The following SH3TC2 variants were observed in gnomAD, a reference collection of about 807,000 sequenced individuals.
SH3TC2 encodes SH3 domain and tetratricopeptide repeats 2.
Under a neutral mutation model 124.5 loss-of-function variants are expected in SH3TC2, and 87 were observed. That is an observed-to-expected ratio of 0.70 (90% confidence interval 0.59 to 0.84). The LOEUF is 0.84. Ranked by LOEUF, SH3TC2 falls within the 40% of genes least tolerant of loss-of-function variation. The pLI, the probability that SH3TC2 is intolerant of heterozygous loss-of-function variation, is 0.00. For synonymous variants in SH3TC2, 634 were observed against 628.5 expected (o/e 1.01, Z -0.13); for missense variants, 1,536 against 1,566.4 (o/e 0.98, Z 0.33).
intron 9 of SH3TC2, 22 bp from the exon 10 acceptor site, chr5:149,028,740 G>A (rs751912748): frequency 1.9e-6 from 3 of 1,614,134 alleles, no homozygotes; most frequent in African/African-American, 1.3e-5. Context: ...TGAAGAACAG[G>A]TCTGGTGTTA....
intron 4 of SH3TC2, among the ~76,000 whole-genome samples, chr5:149,043,278 T>C (rs1376502596): frequency 6.6e-6 from 1 of 152,156 alleles, no homozygotes; most frequent in Non-Finnish European, 1.5e-5. Flanking sequence ...TCCCCCTCAG[T>C]GAATTTCAGG....
At position 148,994,803 on chromosome 5, in the gene SH3TC2, C is replaced by T. The variant is rs1167306967; in HGVS notation, c.*9908G>A. ...GTCTGCATCCTCTGTCCCAAAGGAG[C>T]TAAACTCAGACTTTTCTTCCTAGTC... On this transcript the variant is annotated 3_prime_UTR_variant, in exon 17 of 17. Transcript: ENST00000515425. Among the ~76,000 whole-genome samples the T allele has an allele frequency of 6.6e-6, 1 of 152,008 alleles. No individual in the cohort carries two copies. The highest frequency in any genetic ancestry group is 6.6e-5 in the Admixed American group (1 of 15,250).
At chr5:149,037,185 G>A (rs1190958871) in intron 8 of SH3TC2, among the ~76,000 whole-genome samples, 2 of 152,144 alleles carry the variant, frequency 1.3e-5, no homozygotes, top group Admixed American at 6.5e-5. Flanking sequence ...TTCAAGCACT[G>A]ACTCACTTTC....
chr5:149,020,682 A>G (rs4705065), intron 12 of SH3TC2, among the ~76,000 whole-genome samples: 69,011 of 151,992 alleles, frequency 0.45, 16,794 homozygotes, highest in East Asian at 0.62. Context: ...TATCAGATAA[A>G]AAGACCAAAA....
chr5:148,988,616 G>T lies in SH3TC2; in HGVS notation c.*16095C>A, dbSNP rs1305698745. 1.3e-5 allele frequency among the ~76,000 whole-genome samples: 2 copies of T among 152,168 alleles called. No homozygotes were observed. Among genetic ancestry groups the T allele is most frequent in the Non-Finnish European group, 2.9e-5 (2 of 68,020 alleles). ...GCCCCAGCTGAGCTCCCAACCAACT[G>T]CAAGCATCAACTGTTAGCCCCGTGA... On this transcript the variant is annotated 3_prime_UTR_variant, in exon 17 of 17. Transcript: ENST00000515425.
At chr5:149,051,006 T>C (rs752681075) in intron 2 of SH3TC2, among the ~76,000 whole-genome samples, 1 of 152,142 alleles carries the variant, frequency 6.6e-6, no homozygotes, top group Non-Finnish European at 1.5e-5. Flanking sequence ...CACCTAGCGA[T>C]GGGCAAGCAA....
In SH3TC2 at chr5:148,985,266, T is replaced by C. The variant is rs1042218568; in HGVS notation, c.*19445A>G. ...AATTTATATATAATAAAATTCATTA[T>C]TTTTTAGTTACAGAGTTCTATGAGT... On this transcript the variant is annotated 3_prime_UTR_variant, in exon 17 of 17. Transcript: ENST00000515425. Among the ~76,000 whole-genome samples, 4 of 152,204 alleles carry C rather than the reference T, an allele frequency of 2.6e-5. No individual in the cohort carries two copies. The highest frequency in any genetic ancestry group is 2.6e-4 in the Admixed American group (4 of 15,282).
intron 14 of SH3TC2, 92 bp downstream of exon 14, chr5:149,010,178 G>T: frequency 1.3e-6 from 2 of 1,547,938 alleles, no homozygotes. Flanking sequence ...ACAAGCAAGA[G>T]AGGAGAAGAG....
intron 12 of SH3TC2, among the ~76,000 whole-genome samples, chr5:149,013,482 A>G (rs1351807652): frequency 6.6e-6 from 1 of 152,184 alleles, no homozygotes; most frequent in East Asian, 1.9e-4. Context: ...AGAATGAACT[A>G]TTACAGTTAC....
intron 7 of SH3TC2, among the ~76,000 whole-genome samples, chr5:149,040,066 G>A (rs563683160): frequency 6.6e-6 from 1 of 152,282 alleles, no homozygotes; most frequent in African/African-American, 2.4e-5. Context: ...TTACAGATAT[G>A]TGTGTATACA....
In SH3TC2 at chr5:149,031,706, C is replaced by T; in HGVS notation, c.1002-19G>A. 1.2e-6 allele frequency: 2 copies of T among 1,613,696 alleles called. No homozygotes were observed. The highest frequency in any genetic ancestry group is 1.7e-6 in the Non-Finnish European group (2 of 1,179,992). ...CCTGCTCCTGCATCGGGGCAAAAAACACAGAGACAGATTACTGCAAGGCTT... is the reference window on the plus strand; with the variant it reads ...CCTGCTCCTGCATCGGGGCAAAAAATACAGAGACAGATTACTGCAAGGCTT... On this transcript the variant is annotated intron_variant, in intron 8 of 16. Coordinates refer to ENST00000515425, the MANE Select transcript of SH3TC2 (RefSeq NM_024577.4).
At chr5:149,011,095 G>A (rs1219194011) in intron 13 of SH3TC2, among the ~76,000 whole-genome samples, 10 of 152,232 alleles carry the variant, frequency 6.6e-5, no homozygotes, top group East Asian at 1.9e-4. Context: ...ATATACCACT[G>A]CACCTGCAGC....
Position 148,993,748 on chromosome 5 carries a change from A to G in SH3TC2, c.*10963T>C, listed in dbSNP as rs1023552617. Among the ~76,000 whole-genome samples the G allele has an allele frequency of 6.6e-6, 1 of 152,208 alleles. No homozygotes were observed. Among genetic ancestry groups the G allele is most frequent in the Non-Finnish European group, 1.5e-5 (1 of 68,032 alleles). Reference sequence around the variant, plus strand: ...GAGGCAGACTGAGACCATCACTGTCACATGCTCACTTGAATAGCCAAGCAT... The same window carrying G: ...GAGGCAGACTGAGACCATCACTGTCGCATGCTCACTTGAATAGCCAAGCAT... On this transcript the variant is annotated 3_prime_UTR_variant, in exon 17 of 17. Transcript: ENST00000515425.
chr5:149,001,305 C>G lies in SH3TC2; in HGVS notation c.*3406G>C, dbSNP rs1338999856. ...TACTGTTGGACAGGGAACTAGTATA[C>G]CTGAAAGCTGAGAAAACATGTTACA... On this transcript the variant is annotated 3_prime_UTR_variant, in exon 17 of 17. Coordinates refer to ENST00000515425, the MANE Select transcript of SH3TC2 (RefSeq NM_024577.4). 6.6e-6 allele frequency: 1 copy of G among 152,064 alleles called. No individual in the cohort carries two copies. Among genetic ancestry groups the G allele is most frequent in the Non-Finnish European group, 1.5e-5 (1 of 68,006 alleles). The allele number at this position is 152,064 out of a possible 1,614,324, so 9.4% of individuals were successfully genotyped here.
intron 12 of SH3TC2, 44 bp from the exon 13 acceptor site, chr5:149,012,778 G>A: frequency 6.2e-7 from 1 of 1,610,716 alleles, no homozygotes; most frequent in South Asian, 1.1e-5. Context: ...GCTCAAAGGG[G>A]CCTTAGGGTC....
rs17641073 is a variant in SH3TC2, at chr5:149,010,151, A to C, written c.3327+119T>G. On this transcript the variant is annotated intron_variant, in intron 14 of 16. Transcript: ENST00000515425. ...TGAGTAGGTGGGCACTGGACAAGAA[A>C]GAGAGAAAAATGAAATACAAGCAAG... is the stretch of plus-strand genomic sequence containing the variant. 0.027 allele frequency: 38,787 copies of C among 1,426,944 alleles called. 2,227 individuals are homozygous for C. The highest frequency in any genetic ancestry group is 0.23 in the Admixed American group (13,370 of 57,534). 88.4% of individuals were successfully genotyped at this position (1,426,944 alleles called of 1,614,324 possible).
chr5:149,060,590 T>A (rs1754729638), intron 1 of SH3TC2, among the ~76,000 whole-genome samples: 1 of 152,174 alleles, frequency 6.6e-6, no homozygotes, highest in Admixed American at 6.5e-5. Context: ...GAGGACTCAC[T>A]GTTTTGGTGT....
intron 12 of SH3TC2, among the ~76,000 whole-genome samples, chr5:149,015,818 G>T (rs527681989): frequency 6.6e-6 from 1 of 152,114 alleles, no homozygotes; most frequent in African/African-American, 2.4e-5. Context: ...GTCCTGTTTT[G>T]ATGACAAAGA....
intron 1 of SH3TC2, among the ~76,000 whole-genome samples, chr5:149,061,750 G>C (rs1028205359): frequency 1.3e-5 from 2 of 152,140 alleles, no homozygotes; most frequent in African/African-American, 4.8e-5. Context: ...CCGACCAGTG[G>C]TCCTGCACGT....
Sources: allele counts gnomAD v4.1 joint callset (sites outside exome capture counted in the v4.1 genomes callset), GRCh38; gene constraint gnomAD v4.1.1; transcripts MANE v1.5; gene names NCBI Gene and HGNC (gene_info 2026-07-23, HGNC 2026-07-21).